ADGRB3: variants seen among roughly 807,000 people sequenced by gnomAD.
ADGRB3 encodes brain-specific angiogenesis inhibitor 3.
In ADGRB3, 37 loss-of-function variants were observed where a neutral mutation model predicts 193.4. The ratio of observed to expected loss-of-function variants is 0.19; its 90% confidence interval spans 0.15 to 0.25. The LOEUF (loss-of-function observed/expected upper bound fraction) is 0.25, where lower values mean the gene tolerates loss of function less well. Among genes scored for constraint, ADGRB3 ranks in the 10% least tolerant of loss-of-function variants. The probability of loss-of-function intolerance (pLI) is 1.00; values close to 1 mark genes in which losing one functional copy is unlikely to be tolerated. For synonymous variants in ADGRB3, 690 were observed against 644.2 expected (o/e 1.07, Z -1.08); for missense variants, 1,637 against 1,852.9 (o/e 0.88, Z 2.14).
intron 20 of ADGRB3, 98 bp from the exon 21 acceptor site, chr6:69,324,774 T>A: frequency 7.4e-7 from 1 of 1,346,322 alleles, no homozygotes; most frequent in Non-Finnish European, 1.0e-6. Context: ...ATATTTGAAA[T>A]AAAAGCAATG....
intron 24 of ADGRB3, among the ~76,000 whole-genome samples, chr6:69,336,196 T>C (rs2127317493): frequency 6.6e-6 from 1 of 152,138 alleles, no homozygotes; most frequent in South Asian, 2.1e-4. Context: ...AGGAATTTAT[T>C]GTAAATACAA....
At chr6:68,969,675 C>G (rs1007756198) in intron 8 of ADGRB3, among the ~76,000 whole-genome samples, 1 of 152,168 alleles carries the variant, frequency 6.6e-6, no homozygotes, top group Non-Finnish European at 1.5e-5. Flanking sequence ...AGAAAGCAAG[C>G]ATCATCCTTG....
intron 11 of ADGRB3, among the ~76,000 whole-genome samples, chr6:69,007,692 C>G (rs1354205456): frequency 5.3e-5 from 2 of 37,878 alleles, no homozygotes; most frequent in Non-Finnish European, 1.5e-4. Context: ...CTCTCTCTCT[C>G]TCACACACAC....
chr6:68,955,911 T>C, intron 6 of ADGRB3, 113 bp from the exon 7 acceptor site: 1 of 1,008,430 alleles, frequency 9.9e-7, no homozygotes, highest in Non-Finnish European at 1.4e-6. Flanking sequence ...ATTGTATTCA[T>C]TCATAGTCCA....
intron 8 of ADGRB3, among the ~76,000 whole-genome samples, chr6:68,960,413 G>A (rs1290432637): frequency 5.3e-5 from 8 of 152,136 alleles, no homozygotes; most frequent in South Asian, 2.1e-4. Context: ...GAGGGCAGCC[G>A]TAGTGTTGGT....
intron 17 of ADGRB3, among the ~76,000 whole-genome samples, chr6:69,161,923 C>G (rs1775001058): frequency 6.6e-6 from 1 of 152,052 alleles, no homozygotes; most frequent in Non-Finnish European, 1.5e-5. Context: ...GAGATAGCCC[C>G]CAAAGTAAAA....
At chr6:68,833,780 A>C (rs971228097) in intron 3 of ADGRB3, among the ~76,000 whole-genome samples, 1 of 152,016 alleles carries the variant, frequency 6.6e-6, no homozygotes, top group African/African-American at 2.4e-5. Context: ...ATTTAACCCT[A>C]TATTACAGGC....
intron 13 of ADGRB3, among the ~76,000 whole-genome samples, chr6:69,022,072 G>T (rs948782011): frequency 4.6e-5 from 7 of 151,662 alleles, no homozygotes; most frequent in Admixed American, 2.0e-4. Context: ...ATATGTATAT[G>T]ACATCTAAAA....
chr6:69,153,958 A>G (rs530022619), intron 17 of ADGRB3, among the ~76,000 whole-genome samples: 28 of 152,186 alleles, frequency 1.8e-4, no homozygotes, highest in African/African-American at 6.5e-4. Flanking sequence ...GCACCACTGC[A>G]CTCCAGCCAG....
chr6:69,079,884 A>G (rs1160106245), intron 17 of ADGRB3, among the ~76,000 whole-genome samples: 3 of 151,986 alleles, frequency 2.0e-5, no homozygotes, highest in African/African-American at 7.2e-5. Flanking sequence ...ATCCATTTGT[A>G]ATTTATTTAC....
In ADGRB3 at chr6:68,677,630, A is replaced by G. The variant is rs1401739847; in HGVS notation, c.757+38198A>G. Among the ~76,000 whole-genome samples, 20 of 144,498 alleles carry G rather than the reference A, an allele frequency of 1.4e-4. No homozygotes were observed. The Admixed American group carries it at 1.5e-3, about 11-fold the overall frequency. 94.8% of individuals were successfully genotyped at this position (144,498 alleles called of 152,430 possible). On this transcript the variant is annotated intron_variant, in intron 3 of 31. Transcript: ENST00000370598. The stretch of plus-strand genomic sequence containing the variant: ...CCTCCTAGGTTCAAGGGATTCTTTC[A>G]CCTCTGCCTCCTGAGTAGCTGGGAC...
intron 3 of ADGRB3, among the ~76,000 whole-genome samples, chr6:68,856,140 C>A (rs539260330): frequency 6.6e-6 from 1 of 152,316 alleles, no homozygotes; most frequent in African/African-American, 2.4e-5. Context: ...GCTTCCCCAG[C>A]CACATGGGAC....
intron 20 of ADGRB3, among the ~76,000 whole-genome samples, chr6:69,274,623 C>CTTCCTCCCTTCT (rs1554187803): frequency 7.7e-6 from 1 of 130,316 alleles, no homozygotes; most frequent in Non-Finnish European, 1.6e-5. Context: ...CCCTCCCTCC[C>CTTCCTCCCTTCT]TTCCTTCCTT....
intron 8 of ADGRB3, among the ~76,000 whole-genome samples, chr6:68,972,661 A>G (rs1582361420): frequency 1.4e-5 from 2 of 146,940 alleles, no homozygotes; most frequent in Non-Finnish European, 3.1e-5. Context: ...CATGCATGTA[A>G]AACTCTCCAA....
chr6:69,293,889 G>A (rs1165871079), intron 20 of ADGRB3, among the ~76,000 whole-genome samples: 1 of 152,066 alleles, frequency 6.6e-6, no homozygotes, highest in African/African-American at 2.4e-5. Context: ...CTGTCGGAAA[G>A]AACATAGACA....
intron 17 of ADGRB3, among the ~76,000 whole-genome samples, chr6:69,080,112 C>G (rs1471205352): frequency 6.6e-6 from 1 of 151,970 alleles, no homozygotes; most frequent in African/African-American, 2.4e-5. Context: ...ATCTTTCTCT[C>G]CCTTTGTCAT....
At chr6:69,021,604 A>G (rs1339078169) in intron 13 of ADGRB3, among the ~76,000 whole-genome samples, 3 of 152,012 alleles carry the variant, frequency 2.0e-5, no homozygotes, top group South Asian at 2.1e-4. Flanking sequence ...TAAAGAAATG[A>G]CACCTCATGT....
intron 3 of ADGRB3, among the ~76,000 whole-genome samples, chr6:68,870,054 C>T (rs1765413974): frequency 6.6e-6 from 1 of 152,222 alleles, no homozygotes; most frequent in African/African-American, 2.4e-5. Context: ...GCTGGGATTA[C>T]AGGTGTGAGC....
chr6:68,827,538 G>A (rs554986708), intron 3 of ADGRB3, among the ~76,000 whole-genome samples: 1 of 152,118 alleles, frequency 6.6e-6, no homozygotes, highest in East Asian at 1.9e-4. Flanking sequence ...AAAGAGAACT[G>A]CTGGGATTTT....
Sources: gnomAD v4.1 joint callset for allele counts (sites outside exome capture counted in the v4.1 genomes callset) on GRCh38, gnomAD v4.1.1 for gene constraint, MANE v1.5 for transcripts, NCBI Gene and HGNC (gene_info 2026-07-23, HGNC 2026-07-21) for gene names.